The following ULK4 variants were observed in gnomAD, a reference collection of about 807,000 sequenced individuals.
ULK4 encodes the protein inactive serine/threonine-protein kinase ULK4.
In ULK4, 133 loss-of-function variants were observed where a neutral mutation model predicts 160.6. That is an observed-to-expected ratio of 0.83 (90% CI 0.72 to 0.96). The LOEUF is 0.96. ULK4 is among the 40% of genes least tolerant of loss of function. The probability of loss-of-function intolerance (pLI) is 0.00; values close to 1 mark genes in which losing one functional copy is unlikely to be tolerated. For synonymous variants in ULK4, 534 were observed against 539.8 expected (o/e 0.99, Z 0.15); for missense variants, 1,580 against 1,499.5 (o/e 1.05, Z -0.89).
intron 21 of ULK4, among the ~76,000 whole-genome samples, chr3:41,765,340 T>C (rs2039122802): frequency 6.6e-6 from 1 of 151,888 alleles, no homozygotes; most frequent in African/African-American, 2.4e-5. Flanking sequence ...CTCTCACTCA[T>C]AGGTGGGAAC....
intron 5 of ULK4, among the ~76,000 whole-genome samples, chr3:41,923,073 C>G (rs1187030823): frequency 6.6e-6 from 1 of 151,590 alleles, no homozygotes; most frequent in Admixed American, 6.6e-5. Context: ...ACTCGGGAGG[C>G]AGGAGAATTG....
intron 31 of ULK4, among the ~76,000 whole-genome samples, chr3:41,597,066 C>T (rs2031743117): frequency 6.6e-6 from 1 of 152,088 alleles, no homozygotes; most frequent in Admixed American, 6.5e-5. Context: ...AACAGGCCAC[C>T]CCTCCTGCAC....
At chr3:41,729,385 G>A (rs1037148972) in intron 22 of ULK4, among the ~76,000 whole-genome samples, 2 of 152,188 alleles carry the variant, frequency 1.3e-5, no homozygotes, top group African/African-American at 4.8e-5. Context: ...GCTGCACTGT[G>A]CCAGAGAAGA....
chr3:41,638,271 C>G (rs982807471), intron 30 of ULK4, among the ~76,000 whole-genome samples: 1 of 152,074 alleles, frequency 6.6e-6, no homozygotes, highest in Non-Finnish European at 1.5e-5. Flanking sequence ...TTGTTAGGAA[C>G]AGCCTTTTCA....
At chr3:41,385,472 T>C (rs763044170) in intron 35 of ULK4, among the ~76,000 whole-genome samples, 1 of 151,658 alleles carries the variant, frequency 6.6e-6, no homozygotes, top group Admixed American at 6.6e-5. Context: ...AATGACAGAT[T>C]GGAGAAAAAA....
intron 35 of ULK4, among the ~76,000 whole-genome samples, chr3:41,270,103 G>A (rs1164099962): frequency 6.6e-6 from 1 of 152,122 alleles, no homozygotes; most frequent in African/African-American, 2.4e-5. Flanking sequence ...GTTAGCTAAA[G>A]TTGGAGGTCA....
At chr3:41,951,202 T>C (rs1464409750) in intron 2 of ULK4, among the ~76,000 whole-genome samples, 2 of 146,640 alleles carry the variant, frequency 1.4e-5, no homozygotes, top group Non-Finnish European at 3.0e-5. Context: ...CACGTGTTTA[T>C]GAATTAGAAG....
chr3:41,689,276 A>G (rs981774393), intron 27 of ULK4, among the ~76,000 whole-genome samples: 2 of 152,230 alleles, frequency 1.3e-5, no homozygotes, highest in African/African-American at 4.8e-5. Flanking sequence ...TCTACCCACC[A>G]GTGTAAGTCA....
intron 17 of ULK4, among the ~76,000 whole-genome samples, chr3:41,846,516 A>C (rs935072411): frequency 6.6e-6 from 1 of 152,054 alleles, no homozygotes; most frequent in Non-Finnish European, 1.5e-5. Context: ...AAAAATCCTA[A>C]CATTGAGGCC....
chr3:41,664,033 A>G (rs1183834523), intron 29 of ULK4, among the ~76,000 whole-genome samples: 1 of 152,072 alleles, frequency 6.6e-6, no homozygotes, highest in African/African-American at 2.4e-5. Flanking sequence ...ACTCTGAAAT[A>G]AATTTATGAG....
At chr3:41,825,070 C>A (rs2041296203) in intron 18 of ULK4, among the ~76,000 whole-genome samples, 1 of 152,182 alleles carries the variant, frequency 6.6e-6, no homozygotes, top group African/African-American at 2.4e-5. Flanking sequence ...GAGTGGACCT[C>A]CAGCAAACTC....
In ULK4 at chr3:41,435,361, G is replaced by T. The variant is rs116504131; in HGVS notation, c.3492+20136C>A. Among the ~76,000 whole-genome samples the T allele has an allele frequency of 2.5e-3, 375 of 152,246 alleles. 2 individuals are homozygous for T. Among genetic ancestry groups the T allele is most frequent in the Non-Finnish European group, 3.5e-3 (241 of 68,022 alleles). On this transcript the variant is annotated intron_variant, in intron 34 of 36. Coordinates refer to ENST00000301831, the MANE Select transcript of ULK4 (RefSeq NM_017886.4). ...GTGAACCTAACTACTAATGATCACA[G>T]GGTGTCCAATCAACATGAAAATAAA...
intron 32 of ULK4, among the ~76,000 whole-genome samples, chr3:41,557,621 C>T (rs1454922045): frequency 6.6e-6 from 1 of 150,404 alleles, no homozygotes; most frequent in African/African-American, 2.4e-5. Context: ...AAAAAATTAG[C>T]CAGGCATGGT....
At chr3:41,638,581 C>T (rs1326487896) in intron 30 of ULK4, among the ~76,000 whole-genome samples, 2 of 152,136 alleles carry the variant, frequency 1.3e-5, no homozygotes, top group African/African-American at 4.8e-5. Flanking sequence ...GAGATGGTAA[C>T]AAAAATGTAC....
intron 20 of ULK4, 69 bp downstream of exon 20, chr3:41,800,063 C>A (rs1241391180): frequency 6.8e-6 from 9 of 1,319,004 alleles, no homozygotes; most frequent in Non-Finnish European, 9.0e-6. Context: ...TATTCTTATT[C>A]TAATATTTTC....
intron 23 of ULK4, among the ~76,000 whole-genome samples, chr3:41,717,041 G>A (rs1377368487): frequency 6.6e-6 from 1 of 152,126 alleles, no homozygotes; most frequent in Non-Finnish European, 1.5e-5. Context: ...CAAAGGCTGA[G>A]AAGGGTGAAT....
chr3:41,407,257 T>C (rs2082312900), intron 34 of ULK4, among the ~76,000 whole-genome samples: 2 of 152,184 alleles, frequency 1.3e-5, no homozygotes, highest in Admixed American at 1.3e-4. Context: ...CAGATGACTT[T>C]ACTGGTGAAT....
intron 13 of ULK4, chr3:41,899,109 A>G (rs1266335724): frequency 2.6e-5 from 4 of 152,340 alleles, no homozygotes; most frequent in Non-Finnish European, 4.4e-5. Context: ...GTTAATGGTT[A>G]TATCAGAGAA....
intron 34 of ULK4, among the ~76,000 whole-genome samples, chr3:41,413,671 G>A (rs1476180888): frequency 6.6e-6 from 1 of 151,946 alleles, no homozygotes; most frequent in Non-Finnish European, 1.5e-5. Flanking sequence ...TCCTTTCTGG[G>A]CAATGTACAT....
Sources: allele counts gnomAD v4.1 joint callset (sites outside exome capture counted in the v4.1 genomes callset), GRCh38; gene constraint gnomAD v4.1.1; transcripts MANE v1.5; gene names NCBI Gene and HGNC (gene_info 2026-07-23, HGNC 2026-07-21).